JPH3: variants seen among roughly 807,000 people sequenced by gnomAD.
JPH3 encodes junctophilin-3.
JPH3 carries 11 observed loss-of-function variants against 59.6 expected under a neutral mutation model. The observed-to-expected ratio is 0.18, with a 90% CI of 0.12 to 0.31. The LOEUF is 0.31. JPH3 is among the 10% of genes least tolerant of loss of function. JPH3 has a pLI of 1.00. For missense variants in JPH3, 1,202 were observed against 1,105.7 expected (o/e 1.09, Z -1.24); for synonymous variants, 673 against 483.6 (o/e 1.39, Z -5.14).
intron 2 of JPH3, among the ~76,000 whole-genome samples, chr16:87,672,377 A>G (rs898259440): frequency 2.0e-5 from 3 of 152,180 alleles, no homozygotes; most frequent in Non-Finnish European, 4.4e-5. Flanking sequence ...ACCCCCGCTG[A>G]GGGTGGTAAA....
At chr16:87,655,940 A>G (rs2032488252) in intron 2 of JPH3, among the ~76,000 whole-genome samples, 1 of 152,186 alleles carries the variant, frequency 6.6e-6, no homozygotes, top group Non-Finnish European at 1.5e-5. Flanking sequence ...CCCTTTGCCC[A>G]CATGCCCTCC....
chr16:87,603,595 G>GT (rs2030354939), intron 1 of JPH3, 67 bp downstream of exon 1: 2 of 1,495,070 alleles, frequency 1.3e-6, no homozygotes, highest in Non-Finnish European at 1.8e-6. Flanking sequence ...CCCTTCTGTG[G>GT]ATCTCTGGGG....
intron 1 of JPH3, among the ~76,000 whole-genome samples, chr16:87,617,631 G>A (rs1323635846): frequency 1.4e-5 from 2 of 140,784 alleles, no homozygotes; most frequent in African/African-American, 2.6e-5. Context: ...TCTGGTGGGG[G>A]CTGTGGAGGT....
chr16:87,642,734 C>T (rs749937974), intron 1 of JPH3, among the ~76,000 whole-genome samples: 9 of 152,192 alleles, frequency 5.9e-5, no homozygotes, highest in Middle Eastern at 3.2e-3. Context: ...GAGGCCCAGC[C>T]GTCCTCACGG....
In JPH3 at chr16:87,695,600, C is replaced by G. The variant is rs1450922286; in HGVS notation, c.2167-980C>G. 1.3e-5 allele frequency: 6 copies of G among 455,816 alleles called. No individual in the cohort carries two copies. The East Asian group carries it at 4.2e-4, about 32-fold the overall frequency. The allele number at this position is 455,816 out of a possible 1,614,324, so 28.2% of individuals were successfully genotyped here. A position where few individuals can be genotyped will look rare whatever the true frequency, so the allele number is the denominator to read the frequency against. On this transcript the variant is annotated intron_variant, in intron 4 of 4. Transcript: ENST00000284262. The stretch of plus-strand genomic sequence containing the variant: ...CTGTGGGCAAGACTGGAGTGGGTGT[C>G]CCAGCCATTCCTGGGCTGGGGCCAC...
chr16:87,665,418 C>T (rs2032830499), intron 2 of JPH3, among the ~76,000 whole-genome samples: 1 of 152,254 alleles, frequency 6.6e-6, no homozygotes, highest in African/African-American at 2.4e-5. Context: ...TGACCCCGGA[C>T]CCCGCACTTT....
In JPH3 at chr16:87,677,619, C is replaced by T. The variant is rs916012966; in HGVS notation, c.1161-6523C>T. The stretch of plus-strand genomic sequence containing the variant: ...CTGCCCAGGTAAAGCAGCTGGTGAA[C>T]GTGGACAGCGTGGCCCCCGTCATAC... On this transcript the variant is annotated intron_variant, in intron 2 of 4. Transcript: ENST00000284262. Among the ~76,000 whole-genome samples the T allele has an allele frequency of 9.2e-5, 14 of 152,266 alleles. No homozygotes were observed. In the South Asian group the frequency reaches 1.0e-3, roughly 11 times the overall value.
At chr16:87,669,993 G>C (rs2032973010) in intron 2 of JPH3, among the ~76,000 whole-genome samples, 1 of 152,166 alleles carries the variant, frequency 6.6e-6, no homozygotes, top group Non-Finnish European at 1.5e-5. Context: ...GTAATCCGAG[G>C]CTGCGTCCCG....
chr16:87,634,503 G>T (rs766159324), intron 1 of JPH3, among the ~76,000 whole-genome samples: 21 of 152,204 alleles, frequency 1.4e-4, no homozygotes, highest in Non-Finnish European at 2.2e-4. Flanking sequence ...CTTTCTCTGC[G>T]GGTTGGCTTC....
chr16:87,686,661 C>A (rs1371291018), intron 3 of JPH3, among the ~76,000 whole-genome samples: 1 of 141,618 alleles, frequency 7.1e-6, no homozygotes, highest in African/African-American at 2.7e-5. Flanking sequence ...AGATGCTTCC[C>A]AGAGGGCTCA....
rs1201548062 is a variant in JPH3 at position 87,604,549 on chromosome 16, T to A, written c.382+1021T>A. 4.8e-6 allele frequency: 6 copies of A among 1,254,848 alleles called. No homozygotes were observed. In the African/African-American group the frequency reaches 6.1e-5, roughly 13 times the overall value. The allele number at this position is 1,254,848 out of a possible 1,614,324, so 77.7% of individuals were successfully genotyped here. ...CTGCCTCCCTCGGGCGGCTCGCCTGTTTCAGGCATGGATGCCTGGGAAGGG... is the reference window on the plus strand; with the variant it reads ...CTGCCTCCCTCGGGCGGCTCGCCTGATTCAGGCATGGATGCCTGGGAAGGG... On this transcript the variant is annotated intron_variant, in intron 1 of 4. Transcript: ENST00000284262.
At chr16:87,626,033 T>C (rs192729674) in intron 1 of JPH3, among the ~76,000 whole-genome samples, 47 of 152,266 alleles carry the variant, frequency 3.1e-4, no homozygotes, top group African/African-American at 1.1e-3. Context: ...ATTCCTTAGC[T>C]CAGGTTGTTC....
intron 3 of JPH3, among the ~76,000 whole-genome samples, chr16:87,685,439 C>A (rs1213655399): frequency 1.3e-5 from 2 of 152,262 alleles, no homozygotes; most frequent in African/African-American, 4.8e-5. Context: ...CATGGTCTCG[C>A]CCTCAGGCCC....
chr16:87,692,372 G>A (rs1417178132), intron 4 of JPH3, among the ~76,000 whole-genome samples: 1 of 152,230 alleles, frequency 6.6e-6, no homozygotes, highest in Non-Finnish European at 1.5e-5. Context: ...TCAGGGGACA[G>A]GTGTCAGGGC....
intron 1 of JPH3, among the ~76,000 whole-genome samples, chr16:87,632,011 TG>T (rs1369068224): frequency 5.9e-5 from 9 of 152,248 alleles, no homozygotes; most frequent in African/African-American, 2.2e-4. Flanking sequence ...TTGTAAGTTT[TG>T]GTCTTTTTTG....
intron 1 of JPH3, among the ~76,000 whole-genome samples, chr16:87,610,966 T>C (rs1452924897): frequency 6.6e-6 from 1 of 152,190 alleles, no homozygotes; most frequent in African/African-American, 2.4e-5. Context: ...CGTTCAGTCA[T>C]TGGAGAAGCA....
intron 4 of JPH3, among the ~76,000 whole-genome samples, chr16:87,690,887 C>T (rs906780834): frequency 6.6e-6 from 1 of 152,218 alleles, no homozygotes; most frequent in Non-Finnish European, 1.5e-5. Context: ...GTGAGATGAC[C>T]GCTTGAGTGT....
chr16:87,602,044 G>C (rs1267927457), upstream of JPH3: 1 of 152,506 alleles, frequency 6.6e-6, no homozygotes, highest in Non-Finnish European at 1.5e-5. Context: ...GTCGAGTCAG[G>C]GGCAGGCGGG....
intron 1 of JPH3, among the ~76,000 whole-genome samples, chr16:87,608,883 C>A (rs1482853925): frequency 6.6e-6 from 1 of 152,164 alleles, no homozygotes; most frequent in African/African-American, 2.4e-5. Flanking sequence ...ACAAAAAATA[C>A]AAAAATTAGC....
Sources: gnomAD v4.1 joint callset for allele counts (sites outside exome capture counted in the v4.1 genomes callset) on GRCh38, gnomAD v4.1.1 for gene constraint, MANE v1.5 for transcripts, NCBI Gene and HGNC (gene_info 2026-07-23, HGNC 2026-07-21) for gene names.